Variants in FRK observed in about 807,000 individuals in gnomAD.
FRK encodes the protein fyn related Src family tyrosine kinase, also known as tyrosine-protein kinase FRK.
Under a neutral mutation model 56.4 loss-of-function variants are expected in FRK, and 51 were observed. That is an observed-to-expected ratio of 0.90 (90% CI 0.72 to 1.14). The LOEUF is 1.14. Ranked by LOEUF, FRK falls within the 50% of genes most tolerant of loss-of-function variation. FRK has a pLI of 0.00. For missense variants in FRK, 570 were observed against 601.4 expected (o/e 0.95, Z 0.55); for synonymous variants, 245 against 217.9 (o/e 1.12, Z -1.10).
chr6:116,079,685 G>A, the FRK span, among the ~76,000 whole-genome samples: 4 of 152,050 alleles, frequency 2.6e-5, no homozygotes, highest in South Asian at 2.1e-4. Context: ...TGACCTTCTG[G>A]GCTAAAATGA....
chr6:115,968,426 G>A (rs1027620436), intron 3 of FRK, 150 bp downstream of exon 3: 1 of 700,272 alleles, frequency 1.4e-6, no homozygotes, highest in Non-Finnish European at 2.4e-6. Flanking sequence ...ATACGTCAGT[G>A]TGAGCTCATA....
intron 1 of FRK, among the ~76,000 whole-genome samples, chr6:116,014,263 C>T (rs1477378923): frequency 1.3e-5 from 2 of 151,982 alleles, no homozygotes; most frequent in African/African-American, 4.8e-5. Flanking sequence ...TATAACTTTT[C>T]CTTTGAAAAT....
At chr6:116,004,329 C>T (rs906733971) in intron 1 of FRK, among the ~76,000 whole-genome samples, 1 of 151,978 alleles carries the variant, frequency 6.6e-6, no homozygotes, top group Non-Finnish European at 1.5e-5. Context: ...TGTATGTCTG[C>T]CATGTCCCAG....
chr6:116,088,897 T>C, the FRK span, among the ~76,000 whole-genome samples: 7 of 152,246 alleles, frequency 4.6e-5, no homozygotes, highest in African/African-American at 1.7e-4. Flanking sequence ...CACTTAAGAC[T>C]GAGCCATGGG....
Position 115,942,061 on chromosome 6 carries a change from A to C in FRK, c.*353T>G. On this transcript the variant is annotated 3_prime_UTR_variant, in exon 8 of 8. Transcript: ENST00000606080. Reference sequence around the variant, plus strand: ...ACCACTCTAATCAGTAAACAGGAAAATGCTACAACAGTCACTGAGTAAAAA... The same window carrying C: ...ACCACTCTAATCAGTAAACAGGAAACTGCTACAACAGTCACTGAGTAAAAA... The C allele has an allele frequency of 4.5e-6, 1 of 221,420 alleles. No individual in the cohort carries two copies. The highest frequency in any genetic ancestry group is 6.2e-5 in the South Asian group (1 of 16,030). The allele number at this position is 221,420 out of a possible 1,614,324, so 13.7% of individuals were successfully genotyped here. A position where few individuals can be genotyped will look rare whatever the true frequency, so the allele number is the denominator to read the frequency against.
the FRK span, among the ~76,000 whole-genome samples, chr6:116,092,222 C>A: frequency 6.6e-6 from 1 of 152,174 alleles, no homozygotes; most frequent in Non-Finnish European, 1.5e-5. Context: ...AGGATCTCCC[C>A]TCAGACTAGA....
chr6:116,071,228 A>G, the FRK span, among the ~76,000 whole-genome samples: 10 of 152,252 alleles, frequency 6.6e-5, no homozygotes, highest in Admixed American at 3.3e-4. Flanking sequence ...CTTGTTGCCT[A>G]TGTACATAAT....
chr6:116,083,890 G>A, the FRK span, among the ~76,000 whole-genome samples: 14 of 150,702 alleles, frequency 9.3e-5, no homozygotes, highest in African/African-American at 3.4e-4. Context: ...CAAATTCCTA[G>A]ACTCAAGTGA....
At chr6:115,944,179 T>C in intron 6 of FRK, 65 bp downstream of exon 6, 1 of 1,271,082 alleles carries the variant, frequency 7.9e-7, no homozygotes, top group Non-Finnish European at 1.1e-6. Flanking sequence ...AGTATATCTA[T>C]TGGTCTACTA....
In FRK at chr6:115,968,706, AT is replaced by A; in HGVS notation, c.499del (p.Ile167LeufsTer20). On this transcript the variant is annotated frameshift_variant, in exon 3 of 8. Transcript: ENST00000606080. LOFTEE classifies it high-confidence loss of function. ...AAATCCCCCTTCATCCAGTCTTTTA[AT>A]TCTGTAGTGTTTTACAACTGCTCCA... ...LDGAVVKHYR[I>X]KRLDEGGFFL... The A allele has an allele frequency of 1.9e-6, 3 of 1,613,780 alleles. No individual in the cohort carries two copies. Among genetic ancestry groups the A allele is most frequent in the Non-Finnish European group, 2.5e-6 (3 of 1,179,796 alleles).
intron 1 of FRK, among the ~76,000 whole-genome samples, chr6:116,023,982 AT>A (rs1322590227): frequency 1.3e-5 from 2 of 152,020 alleles, no homozygotes; most frequent in Non-Finnish European, 2.9e-5. Flanking sequence ...TGAAAAAAAA[AT>A]ATTCCACTGA....
intron 1 of FRK, among the ~76,000 whole-genome samples, chr6:116,024,037 G>A (rs1319017038): frequency 6.9e-6 from 1 of 145,668 alleles, no homozygotes; most frequent in Non-Finnish European, 1.5e-5. Flanking sequence ...TGTGTCTGCT[G>A]CTATAGAATC....
chr6:115,956,062 C>T (rs1233469559), intron 5 of FRK, among the ~76,000 whole-genome samples: 2 of 152,104 alleles, frequency 1.3e-5, no homozygotes, highest in East Asian at 3.9e-4. Flanking sequence ...CTCCCTTTTT[C>T]CCCAAATGTA....
intron 1 of FRK, among the ~76,000 whole-genome samples, chr6:116,019,264 A>G (rs1244973859): frequency 6.6e-6 from 1 of 152,226 alleles, no homozygotes; most frequent in Non-Finnish European, 1.5e-5. Context: ...AACACATGGT[A>G]TTAAATAAAC....
intron 2 of FRK, among the ~76,000 whole-genome samples, chr6:115,978,042 T>C (rs773940687): frequency 1.3e-4 from 20 of 152,212 alleles, no homozygotes; most frequent in Non-Finnish European, 2.4e-4. Flanking sequence ...GCATCTCATA[T>C]TGCAGAGAAA....
At chr6:116,048,572 G>C (rs1582756632) in intron 1 of FRK, among the ~76,000 whole-genome samples, 1 of 151,944 alleles carries the variant, frequency 6.6e-6, no homozygotes, top group Non-Finnish European at 1.5e-5. Context: ...TTTTTTTAGA[G>C]ATGGAGTCTC....
chr6:116,042,302 G>T (rs1307478041), intron 1 of FRK, among the ~76,000 whole-genome samples: 1 of 152,108 alleles, frequency 6.6e-6, no homozygotes, highest in African/African-American at 2.4e-5. Context: ...CCTGGGGGAA[G>T]GGGCAGGTAT....
Position 116,060,279 on chromosome 6 carries a change from G to A in FRK, c.33C>T (p.Tyr11=). MSNICQRLWE[Y]LEPYLPCLST... is the part of the protein sequence containing the mutation. Reference sequence around the variant, plus strand: ...ACAAACAGGGGAGATAGGGTTCTAGGTACTCCCAGAGCCTCTGACAGATGT... The same window carrying A: ...ACAAACAGGGGAGATAGGGTTCTAGATACTCCCAGAGCCTCTGACAGATGT... Residue 11 remains tyrosine, a synonymous_variant, in exon 1 of 8, where the codon TAC becomes TAT. Transcript: ENST00000606080. 6.2e-7 allele frequency: 1 copy of A among 1,614,104 alleles called. No individual in the cohort carries two copies. The highest frequency in any genetic ancestry group is 8.5e-7 in the Non-Finnish European group (1 of 1,180,004).
rs6938480 is a variant in FRK at position 115,983,887 on chromosome 6, C to T, written c.467-15148G>A. Among the ~76,000 whole-genome samples, 463 of 152,206 alleles carry T rather than the reference C, an allele frequency of 3.0e-3. 2 individuals are homozygous for T. Among genetic ancestry groups the T allele is most frequent in the Middle Eastern group, 0.02 (6 of 294 alleles). ...CCCTTTAAAGCTCTTCAAGTGTTTCCCTACTGCCTAAAGTTCAGACCCCAT... is the reference window on the plus strand; with the variant it reads ...CCCTTTAAAGCTCTTCAAGTGTTTCTCTACTGCCTAAAGTTCAGACCCCAT... On this transcript the variant is annotated intron_variant, in intron 2 of 7. Transcript: ENST00000606080.
Sources: gnomAD v4.1 joint callset for allele counts (sites outside exome capture counted in the v4.1 genomes callset) on GRCh38, gnomAD v4.1.1 for gene constraint, MANE v1.5 for transcripts, NCBI Gene and HGNC (gene_info 2026-07-23, HGNC 2026-07-21) for gene names.